Variants in SLC33A1 observed in about 807,000 individuals in gnomAD.
SLC33A1 encodes the protein acetyl-coenzyme A transporter 1.
Under a neutral mutation model 50.0 loss-of-function variants are expected in SLC33A1, and 20 were observed. That is an observed-to-expected ratio of 0.40 (90% CI 0.28 to 0.58). The LOEUF (loss-of-function observed/expected upper bound fraction) is 0.58. Ranked by LOEUF, SLC33A1 falls within the 20% of genes least tolerant of loss-of-function variation. SLC33A1 has a pLI of 0.44. For synonymous variants in SLC33A1, 265 were observed against 251.8 expected (o/e 1.05, Z -0.50); for missense variants, 476 against 657.0 (o/e 0.72, Z 3.01).
intron 1 of SLC33A1, among the ~76,000 whole-genome samples, chr3:155,844,455 ATATTTTTTTT>A (rs1442533425): frequency 7.1e-4 from 17 of 23,928 alleles, no homozygotes; most frequent in African/African-American, 2.3e-3. Context: ...ATATATATAT[ATATTTTTTTT>A]TTTTTTTTTT....
rs914363224 is a variant in SLC33A1 at position 155,827,310 on chromosome 3, A to G, written c.*900T>C. 6.6e-6 allele frequency: 1 copy of G among 152,004 alleles called. No homozygotes were observed. The highest frequency in any genetic ancestry group is 1.5e-5 in the Non-Finnish European group (1 of 67,986). 9.4% of individuals were successfully genotyped at this position (152,004 alleles called of 1,614,324 possible). ...GAAAGCTTTACTGTTTTTTTCTCTCAGCAATTAAAAAAAAACTACTTGAAG... is the reference window on the plus strand; with the variant it reads ...GAAAGCTTTACTGTTTTTTTCTCTCGGCAATTAAAAAAAAACTACTTGAAG... On this transcript the variant is annotated 3_prime_UTR_variant, in exon 6 of 6. Transcript: ENST00000643144.
intron 1 of SLC33A1, among the ~76,000 whole-genome samples, chr3:155,848,056 ATTACCAGT>A (rs1364424136): frequency 1.3e-5 from 2 of 152,188 alleles, no homozygotes; most frequent in Admixed American, 1.3e-4. Context: ...GAGGGCCTCA[ATTACCAGT>A]TTACAGGCTA....
Position 155,842,596 on chromosome 3 carries a change from C to A in SLC33A1, c.799G>T (p.Val267Leu), listed in dbSNP as rs1430743188. The part of the protein sequence containing the change: ...LSDFLFFWGT[V>L]FLITTTLVAL... The stretch of plus-strand genomic sequence containing the variant: ...ACCAATGTTGTTGTTATTAAAAATA[C>A]AGTTCCCCAGAAAAAAAGGAAATCT... Residue 267 changes from valine (V) to leucine (L), a missense_variant, in exon 2 of 6, where the codon GTA (valine) becomes TTA (leucine). By Grantham distance (32) the Val-to-Leu change is conservative. Coordinates refer to ENST00000643144, the MANE Select transcript of SLC33A1 (RefSeq NM_004733.4). The A allele has an allele frequency of 6.4e-7, 1 of 1,563,818 alleles. No homozygotes were observed. Among genetic ancestry groups the A allele is most frequent in the Admixed American group, 1.9e-5 (1 of 52,460 alleles).
At chr3:155,850,896 C>T (rs891575816) in intron 1 of SLC33A1, among the ~76,000 whole-genome samples, 21 of 151,296 alleles carry the variant, frequency 1.4e-4, no homozygotes, top group Middle Eastern at 6.8e-3. Context: ...GGATTACAGG[C>T]GTGAGCCACT....
chr3:155,835,559 A>G (rs986062289), intron 2 of SLC33A1, among the ~76,000 whole-genome samples: 1 of 152,226 alleles, frequency 6.6e-6, no homozygotes, highest in Non-Finnish European at 1.5e-5. Context: ...AGGCATGTCC[A>G]CCATGAAAGC....
At chr3:155,847,200 G>A (rs1455193668) in intron 1 of SLC33A1, among the ~76,000 whole-genome samples, 2 of 151,836 alleles carry the variant, frequency 1.3e-5, no homozygotes, top group Non-Finnish European at 2.9e-5. Flanking sequence ...ATGGCAAGAC[G>A]CTGTCTCAAA....
chr3:155,841,978 C>T (rs111316932), intron 2 of SLC33A1, among the ~76,000 whole-genome samples: 2,594 of 152,116 alleles, frequency 0.017, 52 homozygotes, highest in Non-Finnish European at 0.027. Flanking sequence ...GAACTCCTGA[C>T]CTCCGGTAAT....
In SLC33A1 at chr3:155,829,833, C is replaced by A. The variant is rs1321122026; in HGVS notation, c.1337G>T (p.Gly446Val). 1 of 1,613,810 alleles carries A rather than the reference C, an allele frequency of 6.2e-7. No homozygotes were observed. Among genetic ancestry groups the A allele is most frequent in the East Asian group, 2.2e-5 (1 of 44,872 alleles). The change falls in exon 5 of 6, where the codon GGA (glycine) becomes GTA (valine). Residue 446 changes from glycine to valine, a missense_variant. By Grantham distance (109) the Gly-to-Val change is moderately radical (BLOSUM62 -3). Coordinates refer to ENST00000643144, the MANE Select transcript of SLC33A1 (RefSeq NM_004733.4). ...GGTATTTAAAAGGGTCATGTATGTT[C>A]CTCCAATAAGTGGATCACTAACCTT... ...NAKVSDPLIGGTYMTLLNTVS... is the reference protein window; with the variant it reads ...NAKVSDPLIGVTYMTLLNTVS...
chr3:155,839,821 G>C (rs990462608), intron 2 of SLC33A1, among the ~76,000 whole-genome samples: 7 of 151,870 alleles, frequency 4.6e-5, no homozygotes, highest in African/African-American at 1.5e-4. Context: ...GATGGTGTGT[G>C]CCTGTAATCC....
chr3:155,830,101 T>G (rs376013763), intron 4 of SLC33A1, among the ~76,000 whole-genome samples, 198 bp from the exon 5 acceptor site: 1 of 151,806 alleles, frequency 6.6e-6, no homozygotes, highest in Non-Finnish European at 1.5e-5. Flanking sequence ...CGGTGGCTCA[T>G]GCCTGTAATT....
chr3:155,824,204 T>C lies in SLC33A1; in HGVS notation c.*4006A>G, dbSNP rs1752152166. The C allele has an allele frequency of 6.6e-6, 1 of 152,230 alleles. No individual in the cohort carries two copies. Among genetic ancestry groups the C allele is most frequent in the Non-Finnish European group, 1.5e-5 (1 of 68,034 alleles). The allele number at this position is 152,230 out of a possible 1,614,324, so 9.4% of individuals were successfully genotyped here. A position where few individuals can be genotyped will look rare whatever the true frequency, so the allele number is the denominator to read the frequency against. The stretch of plus-strand genomic sequence containing the variant: ...TTAAAAGTTTATTTTCTTTCTCTAA[T>C]AATAAGGTAAAATACATTTTGGAAA... On this transcript the variant is annotated 3_prime_UTR_variant, in exon 6 of 6. Coordinates refer to ENST00000643144, the MANE Select transcript of SLC33A1 (RefSeq NM_004733.4).
chr3:155,828,402 T>C (rs758743178), intron 5 of SLC33A1, 25 bp from the exon 6 acceptor site: 1 of 1,408,340 alleles, frequency 7.1e-7, no homozygotes, highest in Admixed American at 1.7e-5. Context: ...CTATAATAAA[T>C]ACTCCACAAT....
intron 2 of SLC33A1, among the ~76,000 whole-genome samples, chr3:155,836,755 T>G (rs918274118): frequency 7.9e-5 from 12 of 152,090 alleles, no homozygotes; most frequent in Admixed American, 7.9e-4. Flanking sequence ...TTTAATTTAC[T>G]GGGCGTGGTG....
Position 155,825,255 on chromosome 3 carries a change from C to A in SLC33A1, c.*2955G>T, listed in dbSNP as rs1472490382. 6.6e-6 allele frequency: 1 copy of A among 151,808 alleles called. No individual in the cohort carries two copies. The highest frequency in any genetic ancestry group is 1.5e-5 in the Non-Finnish European group (1 of 67,988). The allele number at this position is 151,808 out of a possible 1,614,324, so 9.4% of individuals were successfully genotyped here. A position where few individuals can be genotyped will look rare whatever the true frequency, so the allele number is the denominator to read the frequency against. Reference sequence around the variant, plus strand: ...GCCTTGACCTCCTGGGTTCAAGTAACCCTCCCGCCTAAGCTTCCCAAGTAG... The same window carrying A: ...GCCTTGACCTCCTGGGTTCAAGTAAACCTCCCGCCTAAGCTTCCCAAGTAG... On this transcript the variant is annotated 3_prime_UTR_variant, in exon 6 of 6. Coordinates refer to ENST00000643144, the MANE Select transcript of SLC33A1 (RefSeq NM_004733.4).
chr3:155,836,299 A>G (rs1431661826), intron 2 of SLC33A1, among the ~76,000 whole-genome samples: 1 of 138,976 alleles, frequency 7.2e-6, no homozygotes, highest in Non-Finnish European at 1.5e-5. Context: ...AAAAAAAAAA[A>G]AAAAAAAAAA....
chr3:155,848,305 A>G (rs755738883), intron 1 of SLC33A1, among the ~76,000 whole-genome samples: 4 of 152,226 alleles, frequency 2.6e-5, no homozygotes, highest in Non-Finnish European at 5.9e-5. Context: ...TCAGCTAAAG[A>G]CATGTTTTTA....
chr3:155,840,589 T>C (rs146176633), intron 2 of SLC33A1, among the ~76,000 whole-genome samples: 29,705 of 150,916 alleles, frequency 0.2, 7,421 homozygotes, highest in African/African-American at 0.58. Context: ...AGGCCAAGGA[T>C]AGATCACCTG....
At chr3:155,831,323 G>T (rs1752421575) in intron 4 of SLC33A1, among the ~76,000 whole-genome samples, 1 of 151,838 alleles carries the variant, frequency 6.6e-6, no homozygotes. Context: ...GGGTGAGGTG[G>T]TGCTCATCTG....
Position 155,828,243 on chromosome 3 carries a change from T to C in SLC33A1, c.1617A>G (p.Gly539=). ...GPKFKKLQDE[G]SSSWKCKRNN The stretch of plus-strand genomic sequence containing the variant: ...TCCTTTTGCATTTCCACGAAGATGA[T>C]CCTTCATCCTGTAACTTTTTAAATT... Residue 539 remains glycine (G), a synonymous_variant, in exon 6 of 6, where the codon GGA becomes GGG. Coordinates refer to ENST00000643144, the MANE Select transcript of SLC33A1 (RefSeq NM_004733.4). 4 of 1,613,234 alleles carry C rather than the reference T, an allele frequency of 2.5e-6. No individual in the cohort carries two copies. The highest frequency in any genetic ancestry group is 3.4e-6 in the Non-Finnish European group (4 of 1,179,284).
Sources: allele counts gnomAD v4.1 joint callset (sites outside exome capture counted in the v4.1 genomes callset), GRCh38; gene constraint gnomAD v4.1.1; transcripts MANE v1.5; gene names NCBI Gene and HGNC (gene_info 2026-07-23, HGNC 2026-07-21).